PRKG1: variants seen among roughly 807,000 people sequenced by gnomAD.
PRKG1 encodes protein kinase cGMP-dependent 1, also known as cGMP-dependent protein kinase 1.
In PRKG1, 35 loss-of-function variants were observed where a neutral mutation model predicts 88.1. That is an observed-to-expected ratio of 0.40 (90% CI 0.30 to 0.53). PRKG1 has a LOEUF of 0.53. Among genes scored for constraint, PRKG1 ranks in the 20% least tolerant of loss-of-function variants. PRKG1 has a pLI of 0.59. For synonymous variants in PRKG1, 303 were observed against 292.5 expected (o/e 1.04, Z -0.37); for missense variants, 540 against 839.8 (o/e 0.64, Z 4.41).
intron 3 of PRKG1, among the ~76,000 whole-genome samples, chr10:51,750,677 C>T (rs1837701094): frequency 6.6e-6 from 1 of 152,204 alleles, no homozygotes; most frequent in Admixed American, 6.5e-5. Flanking sequence ...CTAACACAGA[C>T]TATGAGGCTT....
intron 13 of PRKG1, 105 bp downstream of exon 13, chr10:52,281,035 T>A: frequency 3.0e-6 from 4 of 1,337,190 alleles, no homozygotes. Context: ...TTTTCAATGT[T>A]GTAACTTTCT....
chr10:51,631,046 G>A (rs544982701), intron 3 of PRKG1, among the ~76,000 whole-genome samples: 31 of 152,304 alleles, frequency 2.0e-4, no homozygotes, highest in Non-Finnish European at 2.9e-4. Context: ...TGGCTTCTTC[G>A]TTGGATAGCC....
intron 2 of PRKG1, among the ~76,000 whole-genome samples, chr10:51,187,375 G>T (rs1344588449): frequency 1.3e-5 from 2 of 151,868 alleles, no homozygotes; most frequent in Non-Finnish European, 1.5e-5. Context: ...TTGAGAACAG[G>T]ATACCTGCAA....
intron 3 of PRKG1, among the ~76,000 whole-genome samples, chr10:51,527,921 G>T (rs1453876583): frequency 6.6e-6 from 1 of 152,160 alleles, no homozygotes; most frequent in African/African-American, 2.4e-5. Context: ...TATGAATTTA[G>T]CTCCTTCTCG....
chr10:52,005,317 G>A (rs555411368), intron 5 of PRKG1, among the ~76,000 whole-genome samples: 222 of 139,210 alleles, frequency 1.6e-3, no homozygotes, highest in Admixed American at 2.8e-3. Flanking sequence ...GGCTGGTCTC[G>A]AACTGGCCTC....
At chr10:51,859,020 T>C (rs1441760323) in intron 4 of PRKG1, among the ~76,000 whole-genome samples, 1 of 152,170 alleles carries the variant, frequency 6.6e-6, no homozygotes, top group Non-Finnish European at 1.5e-5. Context: ...CAAAGTGGCC[T>C]GCTCGATAGA....
chr10:51,751,018 A>G (rs2132509322), intron 3 of PRKG1, among the ~76,000 whole-genome samples: 1 of 152,304 alleles, frequency 6.6e-6, no homozygotes, highest in African/African-American at 2.4e-5. Flanking sequence ...ACTCTGTCCC[A>G]TAATGGACAA....
At chr10:51,968,469 T>C (rs2454571) in intron 5 of PRKG1, among the ~76,000 whole-genome samples, 151,694 of 152,160 alleles carry the variant, frequency 1, 75,615 homozygotes, top group Middle Eastern at 1. Flanking sequence ...AAATTACTCA[T>C]ACATACATTC....
intron 1 of PRKG1, among the ~76,000 whole-genome samples, chr10:51,116,391 C>T (rs1845124011): frequency 6.6e-6 from 1 of 152,072 alleles, no homozygotes. Context: ...ACTCTTCAGT[C>T]CCTGAAGACA....
intron 5 of PRKG1, among the ~76,000 whole-genome samples, chr10:51,921,230 A>G (rs1291752002): frequency 6.6e-6 from 1 of 152,144 alleles, no homozygotes; most frequent in Non-Finnish European, 1.5e-5. Flanking sequence ...GCGAGTATAT[A>G]GGAAATCAAT....
chr10:52,024,479 A>AT (rs1394746811), intron 5 of PRKG1, among the ~76,000 whole-genome samples: 1 of 150,624 alleles, frequency 6.6e-6, no homozygotes, highest in Non-Finnish European at 1.5e-5. Context: ...TCCCTCCCCC[A>AT]TTCCCCCACC....
At chr10:52,103,563 GAC>G (rs1207147752) in intron 7 of PRKG1, among the ~76,000 whole-genome samples, 1 of 152,090 alleles carries the variant, frequency 6.6e-6, no homozygotes, top group Non-Finnish European at 1.5e-5. Context: ...TACAGTATGT[GAC>G]ACATATAATA....
intron 6 of PRKG1, among the ~76,000 whole-genome samples, chr10:52,060,711 T>C (rs1391979576): frequency 6.6e-6 from 1 of 151,904 alleles, no homozygotes; most frequent in African/African-American, 2.4e-5. Context: ...ATGGTAGGAA[T>C]GTAAGATTGT....
intron 7 of PRKG1, among the ~76,000 whole-genome samples, chr10:52,072,226 T>C (rs1846520387): frequency 6.6e-6 from 1 of 150,520 alleles, no homozygotes; most frequent in Non-Finnish European, 1.5e-5. Context: ...ATTTGGTTTT[T>C]AGTGAAGATT....
rs182777810 is a variant in PRKG1 at position 51,840,698 on chromosome 10, C to T, written c.698+36008C>T. ...AGTAGTTGGGATTACAGGTGTGCAC[C>T]GCCATGCCTGGCTAATTTTTTATTC... is the stretch of plus-strand genomic sequence containing the variant. On this transcript the variant is annotated intron_variant, in intron 4 of 17. Transcript: ENST00000373980. Among the ~76,000 whole-genome samples the T allele has an allele frequency of 2.3e-3, 355 of 152,168 alleles. 1 individual carries two copies. The highest frequency in any genetic ancestry group is 8.2e-3 in the African/African-American group (342 of 41,528).
intron 5 of PRKG1, among the ~76,000 whole-genome samples, chr10:51,925,127 G>T (rs1046644786): frequency 6.6e-6 from 1 of 151,090 alleles, no homozygotes; most frequent in Non-Finnish European, 1.5e-5. Flanking sequence ...ACTATGCCTC[G>T]TAATTTTTTT....
chr10:51,909,173 G>A (rs7922170), intron 5 of PRKG1: 114,214 of 152,138 alleles, frequency 0.75, 43,386 homozygotes, highest in African/African-American at 0.87. Context: ...ATGAATTGAC[G>A]TGAAGAAGAC....
At chr10:51,757,399 C>T (rs545273504) in intron 3 of PRKG1, among the ~76,000 whole-genome samples, 1 of 152,106 alleles carries the variant, frequency 6.6e-6, no homozygotes, top group Admixed American at 6.5e-5. Flanking sequence ...CCACCGCTCC[C>T]AGCCCCTCAG....
At position 52,293,968 on chromosome 10, in the gene PRKG1, C is replaced by A; in HGVS notation, c.*68C>A. ...TTCTGAGACACAGCTGCCAGCAAAC[C>A]TGAGGGAAAGAGAGAAGATTAGTGC... is the stretch of plus-strand genomic sequence containing the variant. On this transcript the variant is annotated 3_prime_UTR_variant, in exon 18 of 18. Coordinates refer to ENST00000373980, the MANE Select transcript of PRKG1 (RefSeq NM_006258.4). 1 of 1,346,958 alleles carries A rather than the reference C, an allele frequency of 7.4e-7. No individual in the cohort carries two copies. The highest frequency in any genetic ancestry group is 1.1e-6 in the Non-Finnish European group (1 of 947,928). 83.4% of individuals were successfully genotyped at this position (1,346,958 alleles called of 1,614,324 possible).
Sources: gnomAD v4.1 joint callset for allele counts (sites outside exome capture counted in the v4.1 genomes callset) on GRCh38, gnomAD v4.1.1 for gene constraint, MANE v1.5 for transcripts, NCBI Gene and HGNC (gene_info 2026-07-23, HGNC 2026-07-21) for gene names.